AFG1L: variants seen among roughly 807,000 people sequenced by gnomAD.
AFG1L encodes the protein AFG1-like ATPase.
AFG1L carries 53 observed loss-of-function variants against 62.2 expected under a neutral mutation model. That is an observed-to-expected ratio of 0.85 (90% CI 0.68 to 1.07). The LOEUF (loss-of-function observed/expected upper bound fraction) is 1.07. Among genes scored for constraint, AFG1L ranks in the 50% least tolerant of loss-of-function variants. AFG1L has a pLI of 0.00. For synonymous variants in AFG1L, 228 were observed against 210.3 expected (o/e 1.08, Z -0.73); for missense variants, 555 against 590.5 (o/e 0.94, Z 0.62).
chr6:108,404,252 A>G (rs1424141960), intron 7 of AFG1L, among the ~76,000 whole-genome samples: 2 of 152,210 alleles, frequency 1.3e-5, no homozygotes, highest in East Asian at 1.9e-4. Flanking sequence ...TAGTTTAATA[A>G]AAAGAAATTA....
At chr6:108,318,386 C>A in intron 1 of AFG1L, 1 of 314,524 alleles carries the variant, frequency 3.2e-6, no homozygotes, top group South Asian at 3.6e-5. Context: ...AAGAGAAAGG[C>A]CAAGTGTTGA....
chr6:108,504,435 AAC>A (rs1465470893), intron 10 of AFG1L, among the ~76,000 whole-genome samples: 1 of 152,236 alleles, frequency 6.6e-6, no homozygotes, highest in Admixed American at 6.5e-5. Flanking sequence ...GAGCAGTCAG[AAC>A]ACACAAAATG....
At chr6:108,410,306 CA>C (rs531126125) in intron 7 of AFG1L, among the ~76,000 whole-genome samples, 81 of 139,504 alleles carry the variant, frequency 5.8e-4, no homozygotes, top group African/African-American at 1.0e-3. Context: ...CTCTGTCTTC[CA>C]AAAAAAAAAA....
intron 8 of AFG1L, among the ~76,000 whole-genome samples, chr6:108,453,370 G>A (rs1026753126): frequency 6.6e-6 from 1 of 152,136 alleles, no homozygotes; most frequent in Middle Eastern, 3.2e-3. Context: ...TTTACTAGTG[G>A]AAGTTTTATG....
chr6:108,330,182 ATT>A (rs71015542), intron 2 of AFG1L, among the ~76,000 whole-genome samples: 8 of 132,482 alleles, frequency 6.0e-5, no homozygotes, highest in Admixed American at 1.6e-4. Flanking sequence ...TTCCTTTTTT[ATT>A]TTTTTTTTTT....
intron 10 of AFG1L, among the ~76,000 whole-genome samples, chr6:108,478,201 G>T (rs1169220536): frequency 1.3e-5 from 2 of 152,256 alleles, no homozygotes; most frequent in Non-Finnish European, 2.9e-5. Flanking sequence ...ACTTTGGGAG[G>T]CCGAGGCGGG....
chr6:108,481,265 C>T (rs181862263), intron 10 of AFG1L, among the ~76,000 whole-genome samples: 313 of 152,358 alleles, frequency 2.1e-3, no homozygotes, highest in African/African-American at 7.2e-3. Flanking sequence ...AGATCCATCT[C>T]TGTGGACATG....
chr6:108,375,202 T>A (rs1295185589), intron 6 of AFG1L, among the ~76,000 whole-genome samples: 2 of 152,210 alleles, frequency 1.3e-5, no homozygotes, highest in African/African-American at 4.8e-5. Flanking sequence ...TTCCTGAAGT[T>A]ATTTATTAGT....
intron 1 of AFG1L, among the ~76,000 whole-genome samples, chr6:108,315,860 C>T (rs1439507458): frequency 1.3e-5 from 2 of 152,178 alleles, no homozygotes; most frequent in East Asian, 3.9e-4. Flanking sequence ...CCAGCCTGGG[C>T]AACACAGGTA....
chr6:108,336,853 T>A (rs1254244955), intron 2 of AFG1L, among the ~76,000 whole-genome samples: 5 of 152,218 alleles, frequency 3.3e-5, no homozygotes, highest in African/African-American at 9.6e-5. Flanking sequence ...GTAAGTTGCA[T>A]CATAACACTT....
intron 1 of AFG1L, among the ~76,000 whole-genome samples, chr6:108,311,501 T>G (rs1777409085): frequency 6.6e-6 from 1 of 152,192 alleles, no homozygotes; most frequent in South Asian, 2.1e-4. Flanking sequence ...TTGTTTTGTT[T>G]TCTTTTTTTG....
At chr6:108,322,743 A>G (rs1406091515) in intron 1 of AFG1L, among the ~76,000 whole-genome samples, 1 of 152,248 alleles carries the variant, frequency 6.6e-6, no homozygotes, top group Non-Finnish European at 1.5e-5. Context: ...ATGATGTTCA[A>G]TGAAATGAAT....
At chr6:108,453,750 G>A (rs1455508252) in intron 8 of AFG1L, among the ~76,000 whole-genome samples, 1 of 152,136 alleles carries the variant, frequency 6.6e-6, no homozygotes, top group South Asian at 2.1e-4. Context: ...TGCCTCTAAG[G>A]TTGCCACCTT....
At chr6:108,418,237 G>T (rs1202132660) in intron 7 of AFG1L, among the ~76,000 whole-genome samples, 1 of 152,212 alleles carries the variant, frequency 6.6e-6, no homozygotes, top group African/African-American at 2.4e-5. Context: ...ACTATAGCCA[G>T]TGGCCAAATC....
chr6:108,444,155 CAA>C, intron 7 of AFG1L, among the ~76,000 whole-genome samples: 1 of 151,938 alleles, frequency 6.6e-6, no homozygotes, highest in Non-Finnish European at 1.5e-5. Flanking sequence ...TAGGCTACTG[CAA>C]TACAACAGTA....
At chr6:108,339,569 C>G (rs971672186) in intron 2 of AFG1L, among the ~76,000 whole-genome samples, 21 of 150,908 alleles carry the variant, frequency 1.4e-4, no homozygotes, top group African/African-American at 4.6e-4. Context: ...AAGTGATTCT[C>G]CCACCTCAGT....
chr6:108,365,287 T>C (rs1460011683), intron 5 of AFG1L, among the ~76,000 whole-genome samples: 1 of 152,202 alleles, frequency 6.6e-6, no homozygotes, highest in Non-Finnish European at 1.5e-5. Flanking sequence ...TTCTTAATTG[T>C]TGTCTTTGTG....
intron 6 of AFG1L, among the ~76,000 whole-genome samples, chr6:108,376,787 T>C (rs59875057): frequency 0.02 from 2,982 of 152,210 alleles, 92 homozygotes; most frequent in African/African-American, 0.067. Flanking sequence ...GTCCAATTGG[T>C]CAACTGTTAA....
chr6:108,489,694 G>A (rs369932134), intron 10 of AFG1L, among the ~76,000 whole-genome samples: 24 of 152,194 alleles, frequency 1.6e-4, no homozygotes, highest in East Asian at 1.5e-3. Flanking sequence ...GGTCAGGGAC[G>A]AGGACAAGCC....
Sources: allele counts gnomAD v4.1 joint callset (sites outside exome capture counted in the v4.1 genomes callset), GRCh38; gene constraint gnomAD v4.1.1; transcripts MANE v1.5; gene names NCBI Gene and HGNC (gene_info 2026-07-23, HGNC 2026-07-21).